The following LYRM7 variants were observed in gnomAD, a reference collection of about 807,000 sequenced individuals.
LYRM7 encodes LYR motif containing 7, also known as complex III assembly factor LYRM7.
Under a neutral mutation model 15.8 loss-of-function variants are expected in LYRM7, and 9 were observed. That is an observed-to-expected ratio of 0.57 (90% confidence interval 0.34 to 0.99). The LOEUF (loss-of-function observed/expected upper bound fraction) is 0.99, where lower values mean the gene tolerates loss of function less well. LYRM7 is among the 50% of genes least tolerant of loss of function. LYRM7 has a pLI of 0.02. For synonymous variants in LYRM7, 39 were observed against 39.4 expected (o/e 0.99, Z 0.04); for missense variants, 115 against 119.1 (o/e 0.97, Z 0.16).
chr5:131,191,149 T>A (rs1755880136), intron 4 of LYRM7, among the ~76,000 whole-genome samples: 1 of 151,678 alleles, frequency 6.6e-6, no homozygotes, highest in South Asian at 2.1e-4. Context: ...GCCTCATTCT[T>A]TCTGTGTGTG....
Position 131,204,867 on chromosome 5 carries a change from C to T in LYRM7, c.*5266C>T, listed in dbSNP as rs577521306. The T allele has an allele frequency of 2.6e-5, 4 of 151,766 alleles. No individual in the cohort carries two copies. The highest frequency in any genetic ancestry group is 7.3e-5 in the African/African-American group (3 of 41,306). 9.4% of individuals were successfully genotyped at this position (151,766 alleles called of 1,614,324 possible). A position where few individuals can be genotyped will look rare whatever the true frequency, so the allele number is the denominator to read the frequency against. ...GAAACGATACATGATTAATCTTAAT[C>T]GGGAAGGAAAAGAGATTTAGGGAAG... On this transcript the variant is annotated 3_prime_UTR_variant, in exon 5 of 5. Transcript: ENST00000379380.
intron 1 of LYRM7, among the ~76,000 whole-genome samples, chr5:131,176,461 G>T (rs1182178528): frequency 6.7e-6 from 1 of 148,976 alleles, no homozygotes; most frequent in Middle Eastern, 3.5e-3. Flanking sequence ...GTTTAGATTT[G>T]TGTTTCCAGA....
intron 1 of LYRM7, among the ~76,000 whole-genome samples, chr5:131,176,727 C>T (rs75284309): frequency 0.016 from 2,435 of 152,204 alleles, 43 homozygotes; most frequent in African/African-American, 0.046. Flanking sequence ...CCCTTCCTAT[C>T]CTCCTCCCTT....
At chr5:131,175,912 C>T (rs1412602352) in intron 1 of LYRM7, among the ~76,000 whole-genome samples, 2 of 152,014 alleles carry the variant, frequency 1.3e-5, no homozygotes, top group Admixed American at 6.6e-5. Context: ...GTGCCCACCA[C>T]CACACCAGCT....
chr5:131,182,923 A>G (rs895778581), intron 3 of LYRM7, among the ~76,000 whole-genome samples: 1 of 152,222 alleles, frequency 6.6e-6, no homozygotes. Flanking sequence ...GTCTAACTAT[A>G]TAAAGGTAAG....
Position 131,199,811 on chromosome 5 carries a change from A to C in LYRM7, c.*210A>C. On this transcript the variant is annotated 3_prime_UTR_variant, in exon 5 of 5. Coordinates refer to ENST00000379380, the MANE Select transcript of LYRM7 (RefSeq NM_181705.4). ...TATTTCTAAAGGAAATTAGATAAGA[A>C]AACATTTCATTTTCATTGAAAATCA... 2.9e-6 allele frequency: 1 copy of C among 347,984 alleles called. No homozygotes were observed. The highest frequency in any genetic ancestry group is 5.2e-6 in the Non-Finnish European group (1 of 192,914). 21.6% of individuals were successfully genotyped at this position (347,984 alleles called of 1,614,324 possible).
intron 4 of LYRM7, among the ~76,000 whole-genome samples, chr5:131,192,048 C>T (rs989920734): frequency 1.7e-3 from 213 of 121,874 alleles, no homozygotes; most frequent in African/African-American, 5.4e-3. Context: ...CACACACACA[C>T]ACACACACAC....
intron 4 of LYRM7, among the ~76,000 whole-genome samples, chr5:131,196,159 A>C (rs143867586): frequency 0.012 from 1,675 of 139,966 alleles, 20 homozygotes; most frequent in Middle Eastern, 0.098. Flanking sequence ...GCTGGAGTGC[A>C]GTGGCACGAT....
intron 2 of LYRM7, among the ~76,000 whole-genome samples, chr5:131,181,760 T>C (rs2149661707): frequency 6.6e-6 from 1 of 152,090 alleles, no homozygotes; most frequent in Non-Finnish European, 1.5e-5. Flanking sequence ...TCACTTTATA[T>C]GTCAGCCAAG....
At chr5:131,174,853 G>A (rs1165443244) in intron 1 of LYRM7, among the ~76,000 whole-genome samples, 1 of 152,000 alleles carries the variant, frequency 6.6e-6, no homozygotes, top group Non-Finnish European at 1.5e-5. Flanking sequence ...CAAAAAAAAA[G>A]GACTTAAAAG....
chr5:131,205,040 G>T lies in LYRM7; in HGVS notation c.*5439G>T, dbSNP rs28460666. 0.019 allele frequency: 2,869 copies of T among 152,240 alleles called. 43 individuals carry two copies. The highest frequency in any genetic ancestry group is 0.085 in the Middle Eastern group (25 of 294). 9.4% of individuals were successfully genotyped at this position (152,240 alleles called of 1,614,324 possible). A position where few individuals can be genotyped will look rare whatever the true frequency, so the allele number is the denominator to read the frequency against. On this transcript the variant is annotated 3_prime_UTR_variant, in exon 5 of 5. Transcript: ENST00000379380. ...TAACTATAAAATATTTTAAATATTA[G>T]CAAATAATATAGCACACTCATGAAC...
At position 131,204,380 on chromosome 5, in the gene LYRM7, CTG is replaced by C. The variant is rs1051192795; in HGVS notation, c.*4780_*4781del. On this transcript the variant is annotated 3_prime_UTR_variant, in exon 5 of 5. Transcript: ENST00000379380. ...ATAATTTTAAACAATTTAAAACAGA[CTG>C]AGTTTCCAAAGTTAGGGTACAATGA... 2 of 151,528 alleles carry C rather than the reference CTG, an allele frequency of 1.3e-5. No individual in the cohort carries two copies. Among genetic ancestry groups the C allele is most frequent in the African/African-American group, 2.4e-5 (1 of 41,222 alleles). 9.4% of individuals were successfully genotyped at this position (151,528 alleles called of 1,614,324 possible).
At position 131,204,742 on chromosome 5, in the gene LYRM7, T is replaced by TGTGTGTGTGTGTGTGTGTG. The variant is rs60607642; in HGVS notation, c.*5141_*5142insGTGTGTGTGTGTGTGTGTG. The TGTGTGTGTGTGTGTGTGTG allele has an allele frequency of 4.7e-4, 71 of 149,980 alleles. 1 individual carries two copies. The highest frequency in any genetic ancestry group is 1.7e-3 in the African/African-American group (68 of 40,990). The allele number at this position is 149,980 out of a possible 1,614,324, so 9.3% of individuals were successfully genotyped here. The stretch of plus-strand genomic sequence containing the variant: ...AGCATTTCAGAAAACGGATGTTCAT[T>TGTGTGTGTGTGTGTGTGTG]TGTGTGTGTGTGTGTGTGTAAGCAG... On this transcript the variant is annotated 3_prime_UTR_variant, in exon 5 of 5. Transcript: ENST00000379380.
chr5:131,180,671 A>G (rs892464073), intron 2 of LYRM7, among the ~76,000 whole-genome samples: 5 of 152,252 alleles, frequency 3.3e-5, no homozygotes, highest in Admixed American at 1.3e-4. Flanking sequence ...CTCCTCATAC[A>G]TTTATGAACC....
At chr5:131,198,863 A>G (rs7719543) in intron 4 of LYRM7, among the ~76,000 whole-genome samples, 26,376 of 151,542 alleles carry the variant, frequency 0.17, 2,631 homozygotes, top group African/African-American at 0.27. Context: ...GAGTCACCAC[A>G]CCCGGCCAAA....
At chr5:131,176,735 CT>C (rs997743317) in intron 1 of LYRM7, among the ~76,000 whole-genome samples, 2 of 151,626 alleles carry the variant, frequency 1.3e-5, no homozygotes, top group Non-Finnish European at 3.0e-5. Flanking sequence ...ATCCTCCTCC[CT>C]TTTGGCGTCT....
chr5:131,180,784 G>T (rs1194027810), intron 2 of LYRM7, among the ~76,000 whole-genome samples: 2 of 152,086 alleles, frequency 1.3e-5, no homozygotes, highest in Non-Finnish European at 2.9e-5. Context: ...TATATGTATT[G>T]TATTATATGT....
At chr5:131,173,696 C>A (rs984968283) in intron 1 of LYRM7, among the ~76,000 whole-genome samples, 2 of 152,194 alleles carry the variant, frequency 1.3e-5, no homozygotes, top group African/African-American at 4.8e-5. Context: ...CTGCAGTGAG[C>A]CGAGATCGCA....
intron 4 of LYRM7, among the ~76,000 whole-genome samples, chr5:131,190,534 A>G (rs1010760111): frequency 6.9e-5 from 10 of 145,168 alleles, no homozygotes; most frequent in African/African-American, 2.6e-4. Flanking sequence ...CTCGTCACCT[A>G]GGCTGGTGTA....
Sources: gnomAD v4.1 joint callset for allele counts (sites outside exome capture counted in the v4.1 genomes callset) on GRCh38, gnomAD v4.1.1 for gene constraint, MANE v1.5 for transcripts, NCBI Gene and HGNC (gene_info 2026-07-23, HGNC 2026-07-21) for gene names.